Variants in PCDHA4 observed in about 807,000 individuals in gnomAD.
The protein encoded by PCDHA4 is protocadherin alpha 4, also known as protocadherin alpha-4.
Under a neutral mutation model 61.4 loss-of-function variants are expected in PCDHA4, and 49 were observed. The observed-to-expected ratio is 0.80, with a 90% CI of 0.63 to 1.01. The LOEUF is 1.01. PCDHA4 is among the 50% of genes least tolerant of loss of function. The probability of loss-of-function intolerance (pLI) is 0.00; values close to 1 mark genes in which losing one functional copy is unlikely to be tolerated. For missense variants in PCDHA4, 1,254 were observed against 1,235.8 expected, an observed-to-expected ratio of 1.01 and a Z score of -0.22; for synonymous variants, 590 against 550.3, an observed-to-expected ratio of 1.07 and a Z score of -1.01.
intron 1 of PCDHA4, among the ~76,000 whole-genome samples, chr5:140,872,369 G>A (rs192689204): frequency 1.3e-4 from 20 of 152,274 alleles, no homozygotes; most frequent in Admixed American, 1.2e-3. Context: ...GTTCAGGCCT[G>A]TAATCCCAGC....
intron 1 of PCDHA4, among the ~76,000 whole-genome samples, chr5:140,895,371 T>C (rs1554186488): frequency 1.3e-5 from 2 of 152,304 alleles, no homozygotes; most frequent in East Asian, 3.9e-4. Context: ...TTGGCACTTT[T>C]TGGAGTTCTT....
At chr5:140,863,247 C>A (rs782167324) in intron 1 of PCDHA4, 18 of 1,379,648 alleles carry the variant, frequency 1.3e-5, no homozygotes, top group Non-Finnish European at 1.6e-5. Context: ...CTTTGGCGGG[C>A]GTCGAGGTCC....
Position 140,808,895 on chromosome 5 carries a change from G to C in PCDHA4, c.1708G>C (p.Ala570Pro), listed in dbSNP as rs781855860. The change falls in exon 1 of 4, where the codon GCG becomes CCG. Residue 570 changes from alanine (A) to proline (P), a missense_variant. By Grantham distance (27) the Ala-to-Pro change is conservative. Coordinates refer to ENST00000530339, the MANE Select transcript of PCDHA4 (RefSeq NM_018907.4). ...DNAPALLAPRAGGTGGAVSEL... is the reference protein window; with the variant it reads ...DNAPALLAPRPGGTGGAVSEL... ...CGCGCCAGCACTGCTAGCGCCTCGG[G>C]CGGGTGGCACTGGTGGCGCAGTGAG... The C allele has an allele frequency of 2.9e-5, 47 of 1,613,372 alleles. No homozygotes were observed. The highest frequency in any genetic ancestry group is 3.9e-5 in the Non-Finnish European group (46 of 1,179,888).
At chr5:140,856,688 A>T in intron 1 of PCDHA4, 1 of 1,597,342 alleles carries the variant, frequency 6.3e-7, no homozygotes, top group Non-Finnish European at 8.6e-7. Context: ...GTTGACAGCA[A>T]CTGATGGAGG....
chr5:140,859,311 T>C (rs1441323923), intron 1 of PCDHA4: 1 of 128,808 alleles, frequency 7.8e-6, no homozygotes, highest in Non-Finnish European at 1.8e-5. Flanking sequence ...GAATTAATAT[T>C]AAAAGTTTGA....
In PCDHA4 at chr5:140,829,836, C is replaced by T. The variant is rs2150175782; in HGVS notation, c.2385+20264C>T. ...GGTGGTGCAGTGAGCGAGCTGGTGC[C>T]GCGGTCACTGGGTGCAGGCCAAGTG... On this transcript the variant is annotated intron_variant, in intron 1 of 3. Coordinates refer to ENST00000530339, the MANE Select transcript of PCDHA4 (RefSeq NM_018907.4). The T allele has an allele frequency of 1.7e-5, 27 of 1,613,772 alleles. No homozygotes were observed. Among genetic ancestry groups the T allele is most frequent in the Non-Finnish European group, 2.3e-5 (27 of 1,179,892 alleles).
intron 1 of PCDHA4, among the ~76,000 whole-genome samples, chr5:140,913,494 T>C (rs1554195964): frequency 6.6e-6 from 1 of 152,116 alleles, no homozygotes; most frequent in Non-Finnish European, 1.5e-5. Flanking sequence ...CATTAGTCTG[T>C]TTAAAACTTT....
chr5:140,876,984 G>C (rs2056761931), intron 1 of PCDHA4: 9 of 1,612,672 alleles, frequency 5.6e-6, no homozygotes, highest in African/African-American at 1.3e-5. Flanking sequence ...AGCACGCACT[G>C]TCGAGCTACG....
intron 1 of PCDHA4, among the ~76,000 whole-genome samples, chr5:140,949,914 C>T (rs941651578): frequency 1.3e-5 from 2 of 151,190 alleles, no homozygotes; most frequent in African/African-American, 4.8e-5. Context: ...TTAGATATAA[C>T]TATTTTTAGA....
intron 1 of PCDHA4, chr5:140,829,626 C>T (rs2150171647): frequency 1.2e-6 from 2 of 1,612,184 alleles, no homozygotes; most frequent in South Asian, 1.1e-5. Flanking sequence ...TCGGTGCACG[C>T]GGAGAGCGGC....
Position 141,000,421 on chromosome 5 carries a change from A to ATTTT in PCDHA4, c.2534-9186_2534-9183dup, listed in dbSNP as rs34755515. ...TATATATATATATATATATATATAT[A>ATTTT]TTTTTTTTTTTTTTTTTTTTTTTGA... On this transcript the variant is annotated intron_variant, in intron 3 of 3. Transcript: ENST00000530339. Among the ~76,000 whole-genome samples the ATTTT allele has an allele frequency of 6.1e-3, 170 of 27,980 alleles. 16 individuals carry two copies. The highest frequency in any genetic ancestry group is 7.4e-3 in the Non-Finnish European group (131 of 17,660). The allele number at this position is 27,980 out of a possible 152,430, so 18.4% of individuals were successfully genotyped here.
chr5:140,941,207 C>CTTCCTTTCTTTCTT (rs1563185091), intron 1 of PCDHA4, among the ~76,000 whole-genome samples: 2 of 103,272 alleles, frequency 1.9e-5, no homozygotes, highest in African/African-American at 1.2e-4. Flanking sequence ...TTCTTCCTTT[C>CTTCCTTTCTTTCTT]TTTCTTCCTT....
chr5:140,827,089 C>T (rs1421752158), intron 1 of PCDHA4, among the ~76,000 whole-genome samples: 1 of 152,092 alleles, frequency 6.6e-6, no homozygotes, highest in Non-Finnish European at 1.5e-5. Context: ...AAACTATTTT[C>T]TAGGAGTCAG....
At chr5:140,994,081 G>A (rs147535219) in intron 3 of PCDHA4, among the ~76,000 whole-genome samples, 2 of 152,260 alleles carry the variant, frequency 1.3e-5, no homozygotes, top group Admixed American at 6.5e-5. Flanking sequence ...AGGGAGAAAT[G>A]TAAAGAAATA....
At position 140,850,724 on chromosome 5, in the gene PCDHA4, C is replaced by A. The variant is rs2150495935; in HGVS notation, c.2385+41152C>A. On this transcript the variant is annotated intron_variant, in intron 1 of 3. Coordinates refer to ENST00000530339, the MANE Select transcript of PCDHA4 (RefSeq NM_018907.4). ...GCAAGCCGACGCTGGTGTGTTCTAG[C>A]GCGGTGGGGAGTTGGTCGTACTCGC... The A allele has an allele frequency of 5.0e-6, 8 of 1,597,668 alleles. No individual in the cohort carries two copies. In the East Asian group the frequency reaches 1.1e-4, roughly 22 times the overall value.
intron 1 of PCDHA4, chr5:140,836,297 T>A: frequency 1.2e-6 from 2 of 1,613,694 alleles, no homozygotes; most frequent in Non-Finnish European, 1.7e-6. Context: ...GAGCCCTAGA[T>A]GAGACGGACG....
chr5:140,971,451 T>C (rs1442240847), intron 1 of PCDHA4, among the ~76,000 whole-genome samples: 2 of 152,110 alleles, frequency 1.3e-5, no homozygotes, highest in East Asian at 1.9e-4. Flanking sequence ...GCTCCAGAAA[T>C]TTTTGCAGTT....
chr5:140,836,076 C>G (rs1387042597), intron 1 of PCDHA4: 1 of 1,613,592 alleles, frequency 6.2e-7, no homozygotes, highest in Admixed American at 1.7e-5. Context: ...CGCGCCGGCA[C>G]TGCTGGCGCC....
chr5:140,927,825 GGCGAGGGA>G (rs782044178), intron 1 of PCDHA4: 1 of 1,614,098 alleles, frequency 6.2e-7, no homozygotes, highest in Non-Finnish European at 8.5e-7. Context: ...CATACATTGA[GGCGAGGGA>G]CGAAGGTGTC....
Sources: allele counts gnomAD v4.1 joint callset (sites outside exome capture counted in the v4.1 genomes callset), GRCh38; gene constraint gnomAD v4.1.1; transcripts MANE v1.5; gene names NCBI Gene and HGNC (gene_info 2026-07-23, HGNC 2026-07-21).